Variants in DIP2B observed in about 807,000 individuals in gnomAD.
The protein encoded by DIP2B is disco-interacting protein 2 homolog B.
In DIP2B, 76 loss-of-function variants were observed where a neutral mutation model predicts 198.0. The ratio of observed to expected loss-of-function variants is 0.38; its 90% confidence interval spans 0.32 to 0.46. The LOEUF is 0.46. DIP2B is among the 20% of genes least tolerant of loss of function. The probability of loss-of-function intolerance (pLI) is 0.99; values close to 1 mark genes in which losing one functional copy is unlikely to be tolerated. For missense variants in DIP2B, 1,559 were observed against 1,978.4 expected (o/e 0.79, Z 4.02); for synonymous variants, 701 against 739.1 (o/e 0.95, Z 0.84).
chr12:50,711,623 ACGATCT>A (rs1325053254), intron 22 of DIP2B, among the ~76,000 whole-genome samples: 11 of 152,084 alleles, frequency 7.2e-5, no homozygotes, highest in African/African-American at 2.4e-4. Context: ...GTACAGTGGC[ACGATCT>A]CGGCTCACTG....
At chr12:50,727,840 ATCTGCC>A in intron 29 of DIP2B, 28 bp downstream of exon 29, 2 of 1,579,496 alleles carry the variant, frequency 1.3e-6, no homozygotes, top group Admixed American at 1.7e-5. Context: ...AAAATGCCAC[ATCTGCC>A]AAAAAATAGA....
chr12:50,522,533 G>A (rs1262807634), intron 1 of DIP2B, among the ~76,000 whole-genome samples: 1 of 152,164 alleles, frequency 6.6e-6, no homozygotes, highest in African/African-American at 2.4e-5. Flanking sequence ...CATCTTTGGG[G>A]TATGGGGGAA....
intron 5 of DIP2B, 72 bp from the exon 6 acceptor site, chr12:50,674,401 AC>A (rs1462037381): frequency 6.4e-7 from 1 of 1,559,380 alleles, no homozygotes. Context: ...TTGTTAAAAA[AC>A]AAAACCCCAA....
In DIP2B at chr12:50,747,151, T is replaced by A. The variant is rs1940351694; in HGVS notation, c.*2312T>A. 1 of 152,254 alleles carries A rather than the reference T, an allele frequency of 6.6e-6. No individual in the cohort carries two copies. Among genetic ancestry groups the A allele is most frequent in the South Asian group, 2.1e-4 (1 of 4,836 alleles). The allele number at this position is 152,254 out of a possible 1,614,324, so 9.4% of individuals were successfully genotyped here. The stretch of plus-strand genomic sequence containing the variant: ...TTCATATTAGGCCTTTGAAATTCAG[T>A]GTGTATTAAACACATCTCAATTCAA... On this transcript the variant is annotated 3_prime_UTR_variant, in exon 38 of 38. Transcript: ENST00000301180.
intron 28 of DIP2B, among the ~76,000 whole-genome samples, chr12:50,725,442 G>A (rs11829407): frequency 7.9e-4 from 121 of 152,234 alleles, no homozygotes; most frequent in African/African-American, 2.5e-3. Flanking sequence ...GATAGTATTC[G>A]TATTAAAGAA....
chr12:50,723,459 T>A, intron 27 of DIP2B, 136 bp downstream of exon 27: 1 of 1,239,742 alleles, frequency 8.1e-7, no homozygotes, highest in Non-Finnish European at 1.1e-6. Flanking sequence ...TCCTTTTTGT[T>A]AATCCAGCCA....
intron 1 of DIP2B, among the ~76,000 whole-genome samples, chr12:50,513,429 A>G (rs191576863): frequency 4.6e-5 from 7 of 152,342 alleles, no homozygotes; most frequent in African/African-American, 1.7e-4. Flanking sequence ...TGCCTGTGAC[A>G]TATAAGCTTG....
chr12:50,714,289 T>C, intron 22 of DIP2B, 106 bp from the exon 23 acceptor site: 2 of 1,215,024 alleles, frequency 1.6e-6, no homozygotes, highest in Non-Finnish European at 2.3e-6. Flanking sequence ...AGATCTAGAA[T>C]GGGTAGAGTA....
At chr12:50,525,619 C>T (rs888595231) in intron 1 of DIP2B, among the ~76,000 whole-genome samples, 1 of 150,466 alleles carries the variant, frequency 6.6e-6, no homozygotes, top group Non-Finnish European at 1.5e-5. Flanking sequence ...CTCAAGAGAT[C>T]CTCCCACCTC....
At chr12:50,628,004 A>G (rs1341799208) in intron 2 of DIP2B, among the ~76,000 whole-genome samples, 1 of 152,288 alleles carries the variant, frequency 6.6e-6, no homozygotes, top group East Asian at 1.9e-4. Context: ...ATCCAATGGC[A>G]CCAAGGATAG....
At chr12:50,687,397 C>T (rs567060825) in intron 12 of DIP2B, among the ~76,000 whole-genome samples, 2 of 152,336 alleles carry the variant, frequency 1.3e-5, no homozygotes, top group African/African-American at 4.8e-5. Context: ...CTTCACCACT[C>T]TGCATCCTGC....
At chr12:50,505,314 C>T in intron 1 of DIP2B, 74 bp downstream of exon 1, 2 of 1,243,776 alleles carry the variant, frequency 1.6e-6, no homozygotes, top group African/African-American at 1.6e-5. Flanking sequence ...GTCCCCGCCG[C>T]GCGCTCTGGC....
chr12:50,658,438 A>G (rs1173676534), intron 3 of DIP2B, among the ~76,000 whole-genome samples: 4 of 152,044 alleles, frequency 2.6e-5, no homozygotes. Context: ...CACCCGGCCA[A>G]TTTTTCTGGA....
intron 10 of DIP2B, among the ~76,000 whole-genome samples, chr12:50,684,802 A>G (rs1482304226): frequency 1.3e-5 from 2 of 151,672 alleles, no homozygotes; most frequent in African/African-American, 4.9e-5. Flanking sequence ...AAATAAAAGA[A>G]GAAATCAGCC....
In DIP2B at chr12:50,732,594, G is replaced by C; in HGVS notation, c.3981+58G>C. 3 of 1,589,108 alleles carry C rather than the reference G, an allele frequency of 1.9e-6. No homozygotes were observed. The South Asian group carries it at 3.3e-5, about 18-fold the overall frequency. On this transcript the variant is annotated intron_variant, in intron 32 of 37. Transcript: ENST00000301180. ...TGGGAGAGGAATATGGAGTATCCCA[G>C]AGCATGGGCTTTGGAGCCAGGCTGC...
intron 3 of DIP2B, among the ~76,000 whole-genome samples, chr12:50,651,524 C>G (rs948516501): frequency 6.6e-6 from 1 of 152,132 alleles, no homozygotes; most frequent in African/African-American, 2.4e-5. Context: ...AATAAGGACC[C>G]ATTTTTCATT....
chr12:50,583,949 C>T (rs190683805), intron 1 of DIP2B, among the ~76,000 whole-genome samples: 66 of 152,310 alleles, frequency 4.3e-4, no homozygotes, highest in Non-Finnish European at 2.9e-4. Context: ...TTGTTGGAAG[C>T]ACCAAGGTCC....
intron 4 of DIP2B, among the ~76,000 whole-genome samples, chr12:50,667,765 A>T (rs1361975560): frequency 1.3e-5 from 2 of 152,202 alleles, no homozygotes; most frequent in Non-Finnish European, 2.9e-5. Flanking sequence ...TACTCTTAGG[A>T]AAAATTTCAG....
rs1037038193 is a variant in DIP2B at position 50,744,981 on chromosome 12, A to G, written c.*142A>G. On this transcript the variant is annotated 3_prime_UTR_variant, in exon 38 of 38. Transcript: ENST00000301180. ...TCATCTCATCCTGTGGGATTCTGCA[A>G]TCATAAAACACAGGAAAGGGGAATT... is the stretch of plus-strand genomic sequence containing the variant. 1.3e-5 allele frequency: 14 copies of G among 1,043,116 alleles called. No individual in the cohort carries two copies. The highest frequency in any genetic ancestry group is 2.8e-5 in the Admixed American group (1 of 36,092). 64.6% of individuals were successfully genotyped at this position (1,043,116 alleles called of 1,614,324 possible).
Sources: gnomAD v4.1 joint callset for allele counts (sites outside exome capture counted in the v4.1 genomes callset) on GRCh38, gnomAD v4.1.1 for gene constraint, MANE v1.5 for transcripts, NCBI Gene and HGNC (gene_info 2026-07-23, HGNC 2026-07-21) for gene names.